MCPH1: variants seen among roughly 807,000 people sequenced by gnomAD.
The protein encoded by MCPH1 is microcephalin 1.
Under a neutral mutation model 84.5 loss-of-function variants are expected in MCPH1, and 104 were observed. The observed-to-expected ratio is 1.23, with a 90% confidence interval of 1.05 to 1.45. MCPH1 has a LOEUF of 1.45. Among genes scored for constraint, MCPH1 ranks in the 40% most tolerant of loss-of-function variants. MCPH1 has a pLI of 0.00. For missense variants in MCPH1, 1,498 were observed against 1,005.7 expected, an observed-to-expected ratio of 1.49 and a Z score of -6.62; for synonymous variants, 514 against 366.8, an observed-to-expected ratio of 1.40 and a Z score of -4.58.
intron 11 of MCPH1, among the ~76,000 whole-genome samples, chr8:6,487,138 C>T (rs560236455): frequency 6.6e-5 from 10 of 152,280 alleles, no homozygotes; most frequent in African/African-American, 2.4e-4. Context: ...AGATTTAAAG[C>T]TAATTCACTT....
intron 11 of MCPH1, among the ~76,000 whole-genome samples, chr8:6,488,682 G>A (rs1183148009): frequency 2.6e-5 from 4 of 152,172 alleles, no homozygotes; most frequent in Non-Finnish European, 5.9e-5. Flanking sequence ...GACAGGTGTT[G>A]GAGAAGGCTG....
At chr8:6,628,453 G>C (rs942632828) in intron 13 of MCPH1, among the ~76,000 whole-genome samples, 9 of 107,812 alleles carry the variant, frequency 8.3e-5, no homozygotes, top group African/African-American at 1.5e-4. Context: ...CTGGGCAACA[G>C]AGTAAGACTC....
intron 9 of MCPH1, among the ~76,000 whole-genome samples, chr8:6,462,651 T>G (rs2916740): frequency 1.3e-5 from 2 of 152,062 alleles, no homozygotes; most frequent in African/African-American, 4.8e-5. Context: ...CCCATCTCTG[T>G]TACTCACCTG....
chr8:6,484,270 C>T (rs957814121), intron 11 of MCPH1, among the ~76,000 whole-genome samples: 2 of 152,318 alleles, frequency 1.3e-5, no homozygotes, highest in Admixed American at 1.3e-4. Context: ...AGACAGTTTA[C>T]TGAGGACACA....
rs377336996 is a variant in MCPH1 at position 6,480,844 on chromosome 8, G to A, written c.2104G>A (p.Ala702Thr). The A allele has an allele frequency of 6.2e-7, 1 of 1,614,104 alleles. No homozygotes were observed. Among genetic ancestry groups the A allele is most frequent in the Non-Finnish European group, 8.5e-7 (1 of 1,180,056 alleles). Residue 702 changes from alanine (A) to threonine (T), a missense_variant, in exon 11 of 14, where the codon GCG becomes ACG. Physicochemically the swap from Ala to Thr is moderately conservative, Grantham distance 58. Coordinates refer to ENST00000344683, the MANE Select transcript of MCPH1 (RefSeq NM_024596.5). ...CACCCTGAATGTGCTGCTGGGAATT[G>A]CGCGTGGCTGCTGGGTTCTCTCTTA... is the stretch of plus-strand genomic sequence containing the variant. ...LRTLNVLLGI[A>T]RGCWVLSYDW...
intron 11 of MCPH1, 55 bp from the exon 12 acceptor site, chr8:6,499,797 T>C (rs1811797450): frequency 5.9e-6 from 9 of 1,512,920 alleles, no homozygotes; most frequent in South Asian, 1.1e-5. Flanking sequence ...TCTTGGTTTA[T>C]TGCCTGCTAA....
At chr8:6,503,152 T>G in intron 12 of MCPH1, 2 of 1,614,228 alleles carry the variant, frequency 1.2e-6, no homozygotes, top group African/African-American at 1.3e-5. Context: ...GCGAATAGCC[T>G]GAGCCTTTCC....
intron 4 of MCPH1, among the ~76,000 whole-genome samples, chr8:6,432,379 T>A (rs1192458611): frequency 6.6e-6 from 1 of 152,266 alleles, no homozygotes; most frequent in East Asian, 1.9e-4. Context: ...AAATTTTTTT[T>A]CTTTTGAATA....
At chr8:6,580,044 C>T (rs779646758) in intron 12 of MCPH1, among the ~76,000 whole-genome samples, 8 of 152,186 alleles carry the variant, frequency 5.3e-5, no homozygotes, top group Non-Finnish European at 8.8e-5. Context: ...GGGTAGTCAG[C>T]CCAGCTCTCA....
chr8:6,487,452 A>G (rs1438734963), intron 11 of MCPH1, among the ~76,000 whole-genome samples: 1 of 152,244 alleles, frequency 6.6e-6, no homozygotes, highest in Non-Finnish European at 1.5e-5. Context: ...AACTCATGGG[A>G]GAACCAGAAC....
At chr8:6,556,570 A>G (rs2922894) in intron 12 of MCPH1, among the ~76,000 whole-genome samples, 20,078 of 152,094 alleles carry the variant, frequency 0.13, 3,654 homozygotes, top group African/African-American at 0.41. Flanking sequence ...CGTTCTGACC[A>G]AAGCATAGTG....
chr8:6,461,099 G>A (rs1322548704), intron 9 of MCPH1, among the ~76,000 whole-genome samples: 1 of 152,030 alleles, frequency 6.6e-6, no homozygotes, highest in Admixed American at 6.6e-5. Context: ...GTTTGCAAAA[G>A]ACACACTAAA....
intron 12 of MCPH1, among the ~76,000 whole-genome samples, chr8:6,593,606 G>A (rs796197803): frequency 2.0e-4 from 31 of 152,224 alleles, no homozygotes; most frequent in Admixed American, 5.2e-4. Context: ...CACCCACCTC[G>A]GCCTCCCAAA....
At chr8:6,460,672 C>A (rs1806182608) in intron 9 of MCPH1, among the ~76,000 whole-genome samples, 1 of 152,066 alleles carries the variant, frequency 6.6e-6, no homozygotes, top group Non-Finnish European at 1.5e-5. Flanking sequence ...ATCATACGTT[C>A]CATATCTAAT....
intron 12 of MCPH1, among the ~76,000 whole-genome samples, chr8:6,522,737 G>C (rs1189493820): frequency 6.6e-6 from 1 of 151,132 alleles, no homozygotes; most frequent in African/African-American, 2.4e-5. Flanking sequence ...TTATGCCATT[G>C]CACTCCAGCC....
At chr8:6,582,703 G>A (rs1381861270) in intron 12 of MCPH1, among the ~76,000 whole-genome samples, 3 of 152,100 alleles carry the variant, frequency 2.0e-5, no homozygotes, top group African/African-American at 7.2e-5. Context: ...CCACTGTCTG[G>A]AATCCTTCGT....
chr8:6,449,463 A>T (rs1389031458), intron 8 of MCPH1, among the ~76,000 whole-genome samples: 1 of 152,088 alleles, frequency 6.6e-6, no homozygotes, highest in Non-Finnish European at 1.5e-5. Context: ...GTGAAACCCC[A>T]TTTCTACTAA....
chr8:6,433,067 G>T (rs1193139128), intron 4 of MCPH1, among the ~76,000 whole-genome samples: 2 of 152,154 alleles, frequency 1.3e-5, no homozygotes, highest in African/African-American at 4.8e-5. Flanking sequence ...GTATCATTTG[G>T]TGAGTTGCCT....
chr8:6,613,778 G>A (rs533062065), intron 12 of MCPH1, among the ~76,000 whole-genome samples: 112 of 152,212 alleles, frequency 7.4e-4, no homozygotes, highest in African/African-American at 2.6e-3. Flanking sequence ...CTAGCAGCAC[G>A]GGGTGTGGAG....
Sources: allele counts gnomAD v4.1 joint callset (sites outside exome capture counted in the v4.1 genomes callset), GRCh38; gene constraint gnomAD v4.1.1; transcripts MANE v1.5; gene names NCBI Gene and HGNC (gene_info 2026-07-23, HGNC 2026-07-21).